The following RBFOX1 variants were observed in gnomAD, a reference collection of about 807,000 sequenced individuals.
The protein encoded by RBFOX1 is RNA binding fox-1 homolog 1.
A neutral mutation model predicts 57.7 loss-of-function variants in RBFOX1; 8 were observed. That is an observed-to-expected ratio of 0.14 (90% CI 0.08 to 0.25). The LOEUF (loss-of-function observed/expected upper bound fraction) is 0.25. Among genes scored for constraint, RBFOX1 ranks in the 10% least tolerant of loss-of-function variants. The pLI, the probability that RBFOX1 is intolerant of heterozygous loss-of-function variation, is 1.00. For synonymous variants in RBFOX1, 326 were observed against 222.4 expected (o/e 1.47, Z -4.15); for missense variants, 611 against 548.5 (o/e 1.11, Z -1.14).
intron 1 of RBFOX1, among the ~76,000 whole-genome samples, chr16:6,287,905 C>A (rs578257800): frequency 7.2e-5 from 11 of 152,250 alleles, no homozygotes; most frequent in Admixed American, 1.3e-4. Flanking sequence ...GTCTAGCTTA[C>A]CCATGCTTTC....
chr16:7,261,814 A>G (rs1406986472), intron 4 of RBFOX1, among the ~76,000 whole-genome samples: 1 of 152,198 alleles, frequency 6.6e-6, no homozygotes, highest in Non-Finnish European at 1.5e-5. Context: ...CTTTGAAAGC[A>G]TTACTGATAT....
At chr16:7,482,037 C>T (rs779139242) in intron 4 of RBFOX1, among the ~76,000 whole-genome samples, 23 of 152,296 alleles carry the variant, frequency 1.5e-4, no homozygotes, top group Non-Finnish European at 2.4e-4. Context: ...TGAGTCGGGG[C>T]GATCTGTATT....
chr16:5,714,275 C>G (rs1427946822), intron 3 of RBFOX1, among the ~76,000 whole-genome samples: 1 of 152,208 alleles, frequency 6.6e-6, no homozygotes, highest in South Asian at 2.1e-4. Flanking sequence ...TGGCTCAAGG[C>G]AGAAATGATA....
chr16:7,128,946 A>G (rs1307135241), intron 4 of RBFOX1, among the ~76,000 whole-genome samples: 3 of 150,436 alleles, frequency 2.0e-5, no homozygotes, highest in African/African-American at 7.4e-5. Flanking sequence ...TCAACCTCCC[A>G]AGTAGCTGGG....
chr16:5,757,377 C>G (rs1282979165), intron 3 of RBFOX1, among the ~76,000 whole-genome samples: 1 of 151,758 alleles, frequency 6.6e-6, no homozygotes, highest in African/African-American at 2.4e-5. Flanking sequence ...GGCTACATGC[C>G]CATGCCACCA....
chr16:6,897,950 G>C (rs1596506160), intron 3 of RBFOX1, among the ~76,000 whole-genome samples: 2 of 152,210 alleles, frequency 1.3e-5, no homozygotes, highest in South Asian at 4.2e-4. Context: ...CACCAGGTCG[G>C]ATCCCTGTGT....
chr16:7,373,842 T>C (rs1272162614), intron 4 of RBFOX1, among the ~76,000 whole-genome samples: 1 of 152,220 alleles, frequency 6.6e-6, no homozygotes, highest in East Asian at 1.9e-4. Context: ...CATTCACGTT[T>C]TAAAGATGCT....
At chr16:6,148,217 C>G (rs937127008) in intron 1 of RBFOX1, among the ~76,000 whole-genome samples, 2 of 152,198 alleles carry the variant, frequency 1.3e-5, no homozygotes, top group Admixed American at 6.5e-5. Context: ...ATCCCAGCTA[C>G]TTGGGAGGCT....
intron 2 of RBFOX1, among the ~76,000 whole-genome samples, chr16:6,528,461 T>C (rs984496460): frequency 1.3e-5 from 2 of 152,194 alleles, no homozygotes; most frequent in Middle Eastern, 3.2e-3. Context: ...TTTGTTTACA[T>C]GCACCCTACA....
At chr16:5,530,497 A>T (rs1243669139) in intron 2 of RBFOX1, among the ~76,000 whole-genome samples, 1 of 152,210 alleles carries the variant, frequency 6.6e-6, no homozygotes, top group East Asian at 1.9e-4. Context: ...TAAAGTCTTC[A>T]AGCTAAACTG....
intron 15 of RBFOX1, chr16:7,709,675 TAAGA>T: frequency 7.0e-7 from 1 of 1,437,060 alleles, no homozygotes; most frequent in Non-Finnish European, 9.1e-7. Flanking sequence ...ACCTAGTACA[TAAGA>T]AAGTAGAAGG....
intron 1 of RBFOX1, among the ~76,000 whole-genome samples, chr16:5,457,864 T>C (rs1045455106): frequency 2.4e-4 from 37 of 152,228 alleles, no homozygotes; most frequent in Non-Finnish European, 4.7e-4. Context: ...CCAGCAGATT[T>C]TAGCCTTGTG....
chr16:7,523,335 G>A (rs1032280178), intron 5 of RBFOX1, among the ~76,000 whole-genome samples: 1 of 152,180 alleles, frequency 6.6e-6, no homozygotes, highest in Non-Finnish European at 1.5e-5. Context: ...GAGAAGGAAG[G>A]GTGAATGTGT....
intron 4 of RBFOX1, among the ~76,000 whole-genome samples, chr16:7,254,066 A>G (rs192553248): frequency 6.6e-6 from 1 of 152,286 alleles, no homozygotes; most frequent in East Asian, 1.9e-4. Flanking sequence ...CACTTTGGGC[A>G]TTGTGTTGTT....
intron 1 of RBFOX1, among the ~76,000 whole-genome samples, chr16:5,391,827 T>C (rs1402890569): frequency 2.0e-5 from 3 of 151,292 alleles, no homozygotes; most frequent in East Asian, 3.9e-4. Context: ...TGTGTATATA[T>C]ATACACACAC....
intron 3 of RBFOX1, among the ~76,000 whole-genome samples, chr16:6,840,831 G>A (rs2093417172): frequency 6.7e-6 from 1 of 148,582 alleles, no homozygotes; most frequent in Non-Finnish European, 1.5e-5. Context: ...AGGTTGTGGT[G>A]AGCTGAGATC....
At chr16:6,881,273 G>A (rs12443725) in intron 3 of RBFOX1, among the ~76,000 whole-genome samples, 38,456 of 152,072 alleles carry the variant, frequency 0.25, 5,098 homozygotes, top group African/African-American at 0.32. Flanking sequence ...TGGGGAGAGA[G>A]CAAAGGAAGG....
chr16:7,135,287 A>G (rs1209918230), intron 4 of RBFOX1, among the ~76,000 whole-genome samples: 1 of 152,216 alleles, frequency 6.6e-6, no homozygotes. Flanking sequence ...TGCAGTGGAC[A>G]GAGGCTTAGA....
rs573778527 is a variant in RBFOX1, at chr16:6,628,791, A to G, written c.-63-25812A>G. ...AAGATATAGAACTGTCATTCTTCCA[A>G]AGTTTAGGTATGATCTGTATGTTTA... is the stretch of plus-strand genomic sequence containing the variant. On this transcript the variant is annotated intron_variant, in intron 2 of 15. Coordinates refer to ENST00000550418, the MANE Select transcript of RBFOX1 (RefSeq NM_018723.4). 1.3e-4 allele frequency among the ~76,000 whole-genome samples: 20 copies of G among 152,290 alleles called. No homozygotes were observed. The East Asian group carries it at 3.5e-3, about 26-fold the overall frequency.
Sources: allele counts gnomAD v4.1 joint callset (sites outside exome capture counted in the v4.1 genomes callset), GRCh38; gene constraint gnomAD v4.1.1; transcripts MANE v1.5; gene names NCBI Gene and HGNC (gene_info 2026-07-23, HGNC 2026-07-21).